Variants in NPSR1 observed in about 807,000 individuals in gnomAD.
NPSR1 encodes neuropeptide S receptor.
A neutral mutation model predicts 46.9 loss-of-function variants in NPSR1; 48 were observed. The ratio of observed to expected loss-of-function variants is 1.02; its 90% CI spans 0.81 to 1.30. NPSR1 has a LOEUF of 1.30. NPSR1 is among the 50% of genes most tolerant of loss of function. The pLI is 0.00. For missense variants in NPSR1, 450 were observed against 449.5 expected (o/e 1.00, Z -0.01); for synonymous variants, 176 against 168.1 (o/e 1.05, Z -0.36).
chr7:34,845,528 C>T (rs1271353193), intron 7 of NPSR1: 1 of 454,820 alleles, frequency 2.2e-6, no homozygotes, highest in African/African-American at 2.0e-5. Context: ...TCCGGTGGTG[C>T]CCCGGCTTAC....
chr7:34,832,531 A>G (rs938481361), intron 5 of NPSR1, among the ~76,000 whole-genome samples: 3 of 152,172 alleles, frequency 2.0e-5, no homozygotes, highest in South Asian at 4.1e-4. Flanking sequence ...AAATGGGGAC[A>G]CACAGCAACG....
At chr7:34,757,553 A>C (rs1248473665) in intron 2 of NPSR1, among the ~76,000 whole-genome samples, 1 of 152,164 alleles carries the variant, frequency 6.6e-6, no homozygotes. Context: ...CTTATCAGAC[A>C]CACTGGAACA....
intron 4 of NPSR1, among the ~76,000 whole-genome samples, chr7:34,813,171 C>A (rs1373094509): frequency 2.6e-5 from 4 of 152,034 alleles, no homozygotes; most frequent in Non-Finnish European, 5.9e-5. Context: ...CATCGCTAAC[C>A]TTGGTGTGTC....
intron 1 of NPSR1, among the ~76,000 whole-genome samples, chr7:34,681,355 C>T (rs1345543169): frequency 6.6e-6 from 1 of 152,162 alleles, no homozygotes; most frequent in Non-Finnish European, 1.5e-5. Flanking sequence ...TGGAACTTTG[C>T]CCCTTTGACA....
chr7:34,786,500 C>CAAAAGAGA (rs1787473752), intron 3 of NPSR1, among the ~76,000 whole-genome samples: 1 of 152,150 alleles, frequency 6.6e-6, no homozygotes, highest in Admixed American at 6.6e-5. Context: ...CATTCACCTT[C>CAAAAGAGA]TCCCATAAAT....
At chr7:34,777,334 C>T (rs929648250) in intron 2 of NPSR1, among the ~76,000 whole-genome samples, 2 of 152,054 alleles carry the variant, frequency 1.3e-5, no homozygotes, top group Non-Finnish European at 2.9e-5. Context: ...CTGAGTTTGG[C>T]CCAGTTTTCT....
At chr7:34,815,196 A>C (rs1789184428) in intron 4 of NPSR1, among the ~76,000 whole-genome samples, 1 of 152,192 alleles carries the variant, frequency 6.6e-6, no homozygotes, top group South Asian at 2.1e-4. Context: ...CGAATGGCTA[A>C]ATAGAATAAA....
chr7:34,726,670 AT>A (rs1187563890), intron 2 of NPSR1, among the ~76,000 whole-genome samples: 2 of 152,230 alleles, frequency 1.3e-5, no homozygotes, highest in Non-Finnish European at 2.9e-5. Context: ...ATGGAATATT[AT>A]TCAGCACTAA....
intron 3 of NPSR1, among the ~76,000 whole-genome samples, chr7:34,793,093 G>A (rs1353529061): frequency 2.6e-5 from 4 of 151,892 alleles, no homozygotes; most frequent in African/African-American, 9.7e-5. Context: ...ATGGGAGGCT[G>A]AAGTGAGAGG....
intron 2 of NPSR1, among the ~76,000 whole-genome samples, chr7:34,688,688 A>G (rs930159169): frequency 5.9e-5 from 9 of 151,844 alleles, no homozygotes; most frequent in African/African-American, 2.2e-4. Flanking sequence ...CAGACATATC[A>G]CCCAACTCGA....
intron 7 of NPSR1, among the ~76,000 whole-genome samples, chr7:34,847,471 A>C (rs1790776803): frequency 6.6e-6 from 1 of 152,086 alleles, no homozygotes; most frequent in African/African-American, 2.4e-5. Flanking sequence ...AGAATTCCCA[A>C]GCTGCAGTTG....
At chr7:34,875,553 T>C (rs1337907194) in intron 8 of NPSR1, among the ~76,000 whole-genome samples, 1 of 152,152 alleles carries the variant, frequency 6.6e-6, no homozygotes, top group East Asian at 1.9e-4. Flanking sequence ...CAGATTGGCC[T>C]AGAGATCCCC....
At chr7:34,833,127 A>T (rs73327801) in intron 5 of NPSR1, among the ~76,000 whole-genome samples, 1 of 152,258 alleles carries the variant, frequency 6.6e-6, no homozygotes, top group Non-Finnish European at 1.5e-5. Flanking sequence ...TCTAAAGATC[A>T]TTAAAAGCAA....
chr7:34,736,971 C>T (rs1383240401), intron 2 of NPSR1, among the ~76,000 whole-genome samples: 1 of 151,862 alleles, frequency 6.6e-6, no homozygotes, highest in Non-Finnish European at 1.5e-5. Flanking sequence ...TCCTACATCT[C>T]GCACTGCCCT....
chr7:34,849,254 G>C, intron 8 of NPSR1: 2 of 1,000,358 alleles, frequency 2.0e-6, no homozygotes, highest in Non-Finnish European at 3.1e-6. Flanking sequence ...TTGTTTATTC[G>C]TAGCGATGTG....
chr7:34,733,714 C>T (rs977399552), intron 2 of NPSR1, among the ~76,000 whole-genome samples: 1 of 152,138 alleles, frequency 6.6e-6, no homozygotes, highest in African/African-American at 2.4e-5. Flanking sequence ...ACAAAGTACA[C>T]TCATTGCTAT....
chr7:34,755,045 T>G (rs1369849120), intron 2 of NPSR1, among the ~76,000 whole-genome samples: 1 of 152,260 alleles, frequency 6.6e-6, no homozygotes, highest in East Asian at 1.9e-4. Flanking sequence ...ATTATTTCAG[T>G]GGTTTTTACC....
intron 3 of NPSR1, among the ~76,000 whole-genome samples, chr7:34,796,478 C>T (rs1001939903): frequency 1.3e-5 from 2 of 151,992 alleles, no homozygotes; most frequent in African/African-American, 4.8e-5. Flanking sequence ...TCTTAAAGCA[C>T]AATAGGTAAA....
chr7:34,829,490 C>A (rs1374038124), intron 5 of NPSR1, among the ~76,000 whole-genome samples: 3 of 152,192 alleles, frequency 2.0e-5, no homozygotes, highest in African/African-American at 7.2e-5. Context: ...GGTCAGAGAG[C>A]ATTTGGAAGA....
Sources: gnomAD v4.1 joint callset for allele counts (sites outside exome capture counted in the v4.1 genomes callset) on GRCh38, gnomAD v4.1.1 for gene constraint, MANE v1.5 for transcripts, NCBI Gene and HGNC (gene_info 2026-07-23, HGNC 2026-07-21) for gene names.